The following SLC25A23 variants were observed in gnomAD, a reference collection of about 807,000 sequenced individuals.
SLC25A23 encodes solute carrier family 25 member 23, also known as mitochondrial adenyl nucleotide antiporter SLC25A23.
SLC25A23 carries 32 observed loss-of-function variants against 53.9 expected under a neutral mutation model. The ratio of observed to expected loss-of-function variants is 0.59; its 90% CI spans 0.45 to 0.80. The LOEUF is 0.80. SLC25A23 is among the 30% of genes least tolerant of loss of function. SLC25A23 has a pLI of 0.00. For missense variants in SLC25A23, 575 were observed against 651.4 expected, an observed-to-expected ratio of 0.88 and a Z score of 1.28; for synonymous variants, 275 against 264.5, an observed-to-expected ratio of 1.04 and a Z score of -0.38.
Position 6,454,313 on chromosome 19 carries a change from C to T in SLC25A23, c.795+10G>A, listed in dbSNP as rs1280265512. On this transcript the variant is annotated intron_variant, in intron 6 of 9. Transcript: ENST00000301454. This position sits in a 1 kb window ranked among gnomAD's most constrained non-coding sequence, Gnocchi z 4.3. ...ATGGCAAGCACATTCCTCCCTGTACCTGCCCTCACCTGTTCATAGGCCATG... is the reference window on the plus strand; with the variant it reads ...ATGGCAAGCACATTCCTCCCTGTACTTGCCCTCACCTGTTCATAGGCCATG... 2.5e-6 allele frequency: 4 copies of T among 1,611,464 alleles called. No individual in the cohort carries two copies. The highest frequency in any genetic ancestry group is 3.4e-6 in the Non-Finnish European group (4 of 1,178,444).
downstream of SLC25A23, chr19:6,438,232 C>A (rs2092359853): frequency 1.3e-5 from 2 of 152,202 alleles, no homozygotes; most frequent in East Asian, 3.9e-4. Context: ...AGGAGGATCA[C>A]TTGAACCCGG....
At chr19:6,453,873 G>A (rs2092631979) in intron 7 of SLC25A23, 108 bp downstream of exon 7, 2 of 869,888 alleles carry the variant, frequency 2.3e-6, no homozygotes, top group Non-Finnish European at 3.5e-6. Context: ...CCAAATCAGA[G>A]AGGGACAAAG....
chr19:6,456,194 GTC>G (rs2092680283), intron 4 of SLC25A23: 9 of 1,230,298 alleles, frequency 7.3e-6, no homozygotes, highest in Non-Finnish European at 1.0e-5. Flanking sequence ...CCCGATGTAA[GTC>G]TCAAGGGCTG....
chr19:6,444,708 C>T (rs1386366234), intron 8 of SLC25A23, among the ~76,000 whole-genome samples: 2 of 152,014 alleles, frequency 1.3e-5, no homozygotes, highest in Non-Finnish European at 2.9e-5. Context: ...TGCTCTGTTG[C>T]CCAGGCTGGA....
rs763783866 is a variant in SLC25A23, at chr19:6,459,444, G to A, written c.156+29C>T. 1 of 1,566,950 alleles carries A rather than the reference G, an allele frequency of 6.4e-7. No homozygotes were observed. Among genetic ancestry groups the A allele is most frequent in the Non-Finnish European group, 8.6e-7 (1 of 1,163,820 alleles). Reference sequence around the variant, plus strand: ...TAACCGGGAGCGGGCGGGGCCGGGAGGGGAGGAGGTCCCTGGGGGTGGGGG... The same window carrying A: ...TAACCGGGAGCGGGCGGGGCCGGGAAGGGAGGAGGTCCCTGGGGGTGGGGG... On this transcript the variant is annotated intron_variant, in intron 1 of 9. Transcript: ENST00000301454. This position sits in a 1 kb window ranked among gnomAD's most constrained non-coding sequence, Gnocchi z 4.6.
chr19:6,454,423 A>G lies in SLC25A23; in HGVS notation c.695T>C (p.Met232Thr). The change falls in exon 6 of 10, where the codon ATG (methionine) becomes ACG (threonine). Residue 232 changes from methionine to threonine, a missense_variant. Physicochemically the swap from Met to Thr is moderately conservative, Grantham distance 81 (BLOSUM62 -1). Coordinates refer to ENST00000301454, the MANE Select transcript of SLC25A23 (RefSeq NM_024103.3). The surrounding 1 kb of genome is among the most constrained non-coding windows in gnomAD (Gnocchi z 4.3). ...GGAGCGGATGCCTCCCTCAAGGACC[A>G]TGCTTCGAAGCCCCCCAAGGATGTT... ...RLNILGGLRS[M>T]VLEGGIRSLW... The G allele has an allele frequency of 6.2e-7, 1 of 1,614,096 alleles. No homozygotes were observed. Among genetic ancestry groups the G allele is most frequent in the Non-Finnish European group, 8.5e-7 (1 of 1,180,020 alleles).
In SLC25A23 at chr19:6,442,171, CGG is replaced by C; in HGVS notation, c.1223-14_1223-13del. 8.4e-6 allele frequency: 5 copies of C among 597,828 alleles called. No individual in the cohort carries two copies. Among genetic ancestry groups the C allele is most frequent in the Non-Finnish European group, 1.3e-5 (5 of 384,714 alleles). The allele number at this position is 597,828 out of a possible 1,614,324, so 37.0% of individuals were successfully genotyped here. ...ACCCTCGATGGAGGCTGGGAGGGGGCGGGGGGGGCACCAGGTAAGGCCAACGT... is the reference window on the plus strand; with the variant it reads ...ACCCTCGATGGAGGCTGGGAGGGGGCGGGGGGCACCAGGTAAGGCCAACGT... On this transcript the variant is annotated splice_polypyrimidine_tract_variant and intron_variant, in intron 9 of 9. Coordinates refer to ENST00000301454, the MANE Select transcript of SLC25A23 (RefSeq NM_024103.3).
intron 8 of SLC25A23, among the ~76,000 whole-genome samples, chr19:6,450,934 CA>C (rs1371972369): frequency 6.6e-6 from 1 of 151,130 alleles, no homozygotes; most frequent in African/African-American, 2.4e-5. Context: ...AAAAATTAGC[CA>C]GGCGTGGTGG....
Position 6,458,187 on chromosome 19 carries a change from C to T in SLC25A23, c.283+11G>A. On this transcript the variant is annotated intron_variant, in intron 2 of 9. Coordinates refer to ENST00000301454, the MANE Select transcript of SLC25A23 (RefSeq NM_024103.3). ...TCCCTTGGGGCCTGCAGGCAGGTCG[C>T]CCGACCTTACCATCCTGGTTCCGGT... 1.9e-6 allele frequency: 3 copies of T among 1,612,728 alleles called. No homozygotes were observed. The highest frequency in any genetic ancestry group is 2.5e-6 in the Non-Finnish European group (3 of 1,179,792).
chr19:6,448,309 AG>A (rs2092536384), intron 8 of SLC25A23, among the ~76,000 whole-genome samples: 1 of 152,226 alleles, frequency 6.6e-6, no homozygotes, highest in African/African-American at 2.4e-5. Flanking sequence ...TGGGTAAAAT[AG>A]GCAAGTACTT....
chr19:6,439,399 T>TCTCTCACACACACACACA (rs1196510603), downstream of SLC25A23, among the ~76,000 whole-genome samples: 4 of 123,988 alleles, frequency 3.2e-5, no homozygotes, highest in African/African-American at 9.7e-5. Flanking sequence ...TCTCTCTCTC[T>TCTCTCACACACACACACA]CACACACACA....
At position 6,458,384 on chromosome 19, in the gene SLC25A23, C is replaced by T. The variant is rs931505015; in HGVS notation, c.157-60G>A. ...GAACCTGCTCCTGATCTGGAGGGGA[C>T]GCATGTCACCTTATGCCTTAGGAAC... On this transcript the variant is annotated intron_variant, in intron 1 of 9. Transcript: ENST00000301454. The T allele has an allele frequency of 2.0e-5, 32 of 1,568,732 alleles. 1 individual carries two copies. Among genetic ancestry groups the T allele is most frequent in the South Asian group, 2.0e-4 (17 of 86,946 alleles).
At chr19:6,444,369 C>G in intron 8 of SLC25A23, 68 bp from the exon 9 acceptor site, 1 of 1,482,342 alleles carries the variant, frequency 6.7e-7, no homozygotes, top group Non-Finnish European at 9.1e-7. Context: ...CAAAGGCCTG[C>G]TGGCCGGTTC....
At chr19:6,437,561 A>G (rs111426488), downstream of SLC25A23, among the ~76,000 whole-genome samples, 2,798 of 152,132 alleles carry the variant, frequency 0.018, 35 homozygotes, top group South Asian at 0.038. Context: ...TGTAATCCCA[A>G]CACTTTGGGA....
At chr19:6,445,759 C>T (rs1318923385) in intron 8 of SLC25A23, among the ~76,000 whole-genome samples, 1 of 151,944 alleles carries the variant, frequency 6.6e-6, no homozygotes, top group Non-Finnish European at 1.5e-5. Flanking sequence ...AAAACAGCAA[C>T]AGCAACAAAA....
chr19:6,445,238 A>G (rs1411797357), intron 8 of SLC25A23, among the ~76,000 whole-genome samples: 2 of 152,096 alleles, frequency 1.3e-5, no homozygotes, highest in Non-Finnish European at 2.9e-5. Flanking sequence ...GCCTCGAAGT[A>G]GCTAGGATTA....
At chr19:6,456,246 T>C (rs2092680928) in intron 4 of SLC25A23, 174 bp downstream of exon 4, 4 of 961,232 alleles carry the variant, frequency 4.2e-6, no homozygotes, top group Admixed American at 2.6e-5. Flanking sequence ...AATGGGACCC[T>C]TGAACCCTAA....
At chr19:6,442,305 G>C in intron 9 of SLC25A23, 146 bp from the exon 10 acceptor site, 1 of 607,298 alleles carries the variant, frequency 1.6e-6, no homozygotes, top group South Asian at 2.0e-5. Context: ...TCAGAGTCGA[G>C]ACTTGTATTG....
At chr19:6,448,506 T>G (rs1477270318) in intron 8 of SLC25A23, among the ~76,000 whole-genome samples, 3 of 151,256 alleles carry the variant, frequency 2.0e-5, no homozygotes, top group African/African-American at 7.3e-5. Context: ...AATCTCGCTC[T>G]CTCACCCAGG....
Sources: gnomAD v4.1 joint callset for allele counts (sites outside exome capture counted in the v4.1 genomes callset) on GRCh38, gnomAD v4.1.1 for gene constraint, Gnocchi (gnomAD v3.1) non-coding constraint, MANE v1.5 for transcripts, NCBI Gene and HGNC (gene_info 2026-07-23, HGNC 2026-07-21) for gene names.